ZRANB1: variants seen among roughly 807,000 people sequenced by gnomAD.
ZRANB1 encodes the protein ubiquitin thioesterase ZRANB1.
Under a neutral mutation model 80.5 loss-of-function variants are expected in ZRANB1, and 16 were observed. The ratio of observed to expected loss-of-function variants is 0.20; its 90% CI spans 0.13 to 0.30. The LOEUF (loss-of-function observed/expected upper bound fraction) is 0.30. ZRANB1 is among the 10% of genes least tolerant of loss of function. ZRANB1 has a pLI of 1.00. For missense variants in ZRANB1, 576 were observed against 862.6 expected (o/e 0.67, Z 4.16); for synonymous variants, 291 against 293.1 (o/e 0.99, Z 0.07).
intron 5 of ZRANB1, among the ~76,000 whole-genome samples, chr10:124,976,243 C>T (rs77848246): frequency 0.13 from 20,097 of 152,100 alleles, 1,500 homozygotes; most frequent in African/African-American, 0.19. Context: ...AAGCCTGATG[C>T]TGGTCAGTGC....
At chr10:124,927,763 G>A in the ZRANB1 span, among the ~76,000 whole-genome samples, 7 of 152,290 alleles carry the variant, frequency 4.6e-5, no homozygotes, top group East Asian at 5.8e-4. Flanking sequence ...AAGGCCTGGC[G>A]CGGTGGGTCA....
chr10:124,957,526 A>G (rs2134266455), intron 1 of ZRANB1, among the ~76,000 whole-genome samples: 1 of 152,248 alleles, frequency 6.6e-6, no homozygotes. Context: ...TACATCTTGG[A>G]AAACTGAAAC....
At chr10:124,981,865 AAAGT>A (rs1248355215) in intron 6 of ZRANB1, 36 bp downstream of exon 6, 2 of 1,610,732 alleles carry the variant, frequency 1.2e-6, no homozygotes, top group African/African-American at 2.7e-5. Flanking sequence ...TTCTATGAGA[AAAGT>A]AAGCATGTAG....
chr10:124,984,616 T>C, intron 8 of ZRANB1, 158 bp from the exon 9 acceptor site: 1 of 690,840 alleles, frequency 1.4e-6, no homozygotes, highest in Admixed American at 3.2e-5. Flanking sequence ...AACTGGACTT[T>C]AATCACAAAA....
upstream of ZRANB1, among the ~76,000 whole-genome samples, chr10:124,939,129 T>G (rs1257292837): frequency 1.3e-5 from 2 of 151,986 alleles, no homozygotes; most frequent in Non-Finnish European, 2.9e-5. Context: ...TGAGCCAAGA[T>G]TGTGCCACTG....
the ZRANB1 span, among the ~76,000 whole-genome samples, chr10:124,922,679 A>G: frequency 1.1e-4 from 17 of 151,464 alleles, no homozygotes; most frequent in Admixed American, 1.1e-3. Context: ...ATCTTTTAGT[A>G]GAGATGGGGT....
chr10:124,974,437 A>C (rs762928545), intron 5 of ZRANB1, 39 bp downstream of exon 5: 6 of 1,598,694 alleles, frequency 3.8e-6, no homozygotes, highest in Middle Eastern at 3.3e-4. Flanking sequence ...CCAGGAGTGC[A>C]TTTGCTGGAT....
At chr10:124,957,712 C>A (rs1951698105) in intron 1 of ZRANB1, among the ~76,000 whole-genome samples, 2 of 151,802 alleles carry the variant, frequency 1.3e-5, no homozygotes, top group Non-Finnish European at 2.9e-5. Context: ...GTGTTGTGAT[C>A]TGGGTCAGAA....
rs1951964811 is a variant in ZRANB1 at position 124,983,766 on chromosome 10, T to C, written c.1908+78T>C. 9.9e-7 allele frequency: 1 copy of C among 1,013,324 alleles called. No individual in the cohort carries two copies. Among genetic ancestry groups the C allele is most frequent in the Non-Finnish European group, 1.5e-6 (1 of 685,316 alleles). 62.8% of individuals were successfully genotyped at this position (1,013,324 alleles called of 1,614,324 possible). ...AGCCTGAAGTGCCTTTCAGGTGTGG[T>C]TTTATCTGCACTATCACTTAATTTC... On this transcript the variant is annotated intron_variant, in intron 8 of 8. Coordinates refer to ENST00000359653, the MANE Select transcript of ZRANB1 (RefSeq NM_017580.3). This position sits in a 1 kb window ranked among gnomAD's most constrained non-coding sequence, Gnocchi z 6.2.
chr10:124,927,479 C>T, the ZRANB1 span, among the ~76,000 whole-genome samples: 3 of 152,140 alleles, frequency 2.0e-5, no homozygotes, highest in Admixed American at 6.6e-5. Flanking sequence ...ATTAACTTCA[C>T]TTTTTGGTAT....
intron 1 of ZRANB1, 123 bp from the exon 2 acceptor site, chr10:124,966,471 A>G: frequency 1.1e-6 from 1 of 926,988 alleles, no homozygotes; most frequent in Non-Finnish European, 1.6e-6. Flanking sequence ...GGACATTTAA[A>G]TGATGCATCA....
At chr10:124,936,240 T>C in the ZRANB1 span, among the ~76,000 whole-genome samples, 42 of 152,190 alleles carry the variant, frequency 2.8e-4, no homozygotes, top group African/African-American at 9.6e-4. Flanking sequence ...AGAAAGAGAA[T>C]TGTGGAACAG....
At position 124,942,891 on chromosome 10, in the gene ZRANB1, C is replaced by G. The variant is rs766508100; in HGVS notation, c.398C>G (p.Ser133Cys). ...TCTGGCTCAAGACCAGTTGCTTTTT[C>G]TGTTGATCCTTGTGAGGAATACAAT... Reference protein sequence around the residue: ...SGSGSRPVAFSVDPCEEYNDR... With the variant: ...SGSGSRPVAFCVDPCEEYNDR... The change falls in exon 1 of 9, where the codon TCT becomes TGT. Residue 133 changes from serine (S) to cysteine (C), a missense_variant. Physicochemically the swap from Ser to Cys is moderately radical, Grantham distance 112. Transcript: ENST00000359653. The G allele has an allele frequency of 6.2e-7, 1 of 1,614,078 alleles. No homozygotes were observed. The highest frequency in any genetic ancestry group is 8.5e-7 in the Non-Finnish European group (1 of 1,180,040).
the ZRANB1 span, among the ~76,000 whole-genome samples, chr10:124,936,843 C>T: frequency 6.6e-6 from 1 of 152,066 alleles, no homozygotes; most frequent in Non-Finnish European, 1.5e-5. Flanking sequence ...CTAAGATGTT[C>T]TCTGAGCATT....
At chr10:124,959,879 C>A (rs1951719559) in intron 1 of ZRANB1, among the ~76,000 whole-genome samples, 1 of 152,132 alleles carries the variant, frequency 6.6e-6, no homozygotes, top group East Asian at 1.9e-4. Context: ...TAAATGATAG[C>A]AACTTAGGTA....
At chr10:124,931,562 G>A in the ZRANB1 span, among the ~76,000 whole-genome samples, 1 of 152,066 alleles carries the variant, frequency 6.6e-6, no homozygotes, top group African/African-American at 2.4e-5. Flanking sequence ...GTAGAGACAA[G>A]GTTTCACCAT....
Position 124,972,802 on chromosome 10 carries a change from G to A in ZRANB1, c.1156+684G>A, listed in dbSNP as rs571379075. 1.7e-4 allele frequency among the ~76,000 whole-genome samples: 26 copies of A among 151,578 alleles called. 1 individual carries two copies. Among genetic ancestry groups the A allele is most frequent in the African/African-American group, 6.3e-4 (26 of 41,360 alleles). On this transcript the variant is annotated intron_variant, in intron 3 of 8. Transcript: ENST00000359653. ...TTTTTTTTTTTTTTAGATTGAAACG[G>A]GGTCTTGCTCTGTTGCCCAGGCTAG...
upstream of ZRANB1, among the ~76,000 whole-genome samples, chr10:124,938,857 C>T (rs115900337): frequency 0.014 from 2,089 of 152,098 alleles, 54 homozygotes; most frequent in African/African-American, 0.048. Flanking sequence ...TAGGCACAGG[C>T]GACTGCACCT....
chr10:124,922,992 C>T, the ZRANB1 span, among the ~76,000 whole-genome samples: 5,194 of 152,068 alleles, frequency 0.034, 279 homozygotes, highest in African/African-American at 0.11. Flanking sequence ...TTTCACATTG[C>T]TATAAAGAAC....
Sources: gnomAD v4.1 joint callset for allele counts (sites outside exome capture counted in the v4.1 genomes callset) on GRCh38, gnomAD v4.1.1 for gene constraint, Gnocchi (gnomAD v3.1) non-coding constraint, MANE v1.5 for transcripts, NCBI Gene and HGNC (gene_info 2026-07-23, HGNC 2026-07-21) for gene names.